OR2L13: variants seen among roughly 807,000 people sequenced by gnomAD.
OR2L13 encodes the protein olfactory receptor family 2 subfamily L member 13.
In OR2L13, 14 loss-of-function variants were observed where a neutral mutation model predicts 15.3. That is an observed-to-expected ratio of 0.91 (90% CI 0.60 to 1.43). OR2L13 has a LOEUF of 1.43. OR2L13 is among the 40% of genes most tolerant of loss of function. The pLI, the probability that OR2L13 is intolerant of heterozygous loss-of-function variation, is 0.00. For missense variants in OR2L13, 367 were observed against 387.9 expected (o/e 0.95, Z 0.45); for synonymous variants, 152 against 142.9 (o/e 1.06, Z -0.45).
chr1:247,991,298 G>C, the OR2L13 span: 4 of 755,626 alleles, frequency 5.3e-6, 1 homozygote, highest in East Asian at 1.2e-4. Flanking sequence ...TGCCCAGTAT[G>C]TCAAACGGAA....
upstream of OR2L13, among the ~76,000 whole-genome samples, chr1:248,094,880 A>G (rs1466872799): frequency 6.6e-6 from 1 of 152,182 alleles, no homozygotes; most frequent in Non-Finnish European, 1.5e-5. Context: ...AACTTACATG[A>G]TGACAGAATT....
At chr1:247,955,461 C>G in the OR2L13 span, among the ~76,000 whole-genome samples, 2 of 151,750 alleles carry the variant, frequency 1.3e-5, no homozygotes, top group African/African-American at 4.8e-5. Flanking sequence ...TGGGTATATA[C>G]CCAGTAATGC....
At chr1:247,976,199 T>G in the OR2L13 span, among the ~76,000 whole-genome samples, 5 of 152,148 alleles carry the variant, frequency 3.3e-5, 1 homozygote, top group Admixed American at 1.3e-4. Flanking sequence ...TCTATAGGAG[T>G]TACAGTCTAC....
the OR2L13 span, among the ~76,000 whole-genome samples, chr1:248,081,299 C>T: frequency 1.3e-5 from 2 of 152,124 alleles, no homozygotes; most frequent in African/African-American, 4.8e-5. Context: ...TGAAATACCA[C>T]TTCTTTGAAA....
the OR2L13 span, among the ~76,000 whole-genome samples, chr1:247,967,843 T>TTCCTCCTTCTCCTCC: frequency 1.0e-4 from 15 of 150,690 alleles, no homozygotes; most frequent in East Asian, 7.8e-4. Context: ...TCTCCTCCTC[T>TTCCTCCTTCTCCTCC]TCCTCCTTCT....
At chr1:248,042,850 T>C in the OR2L13 span, among the ~76,000 whole-genome samples, 3 of 152,182 alleles carry the variant, frequency 2.0e-5, no homozygotes, top group Non-Finnish European at 4.4e-5. Flanking sequence ...AATCAAAATA[T>C]AATTTGAAAT....
chr1:248,097,016 C>A (rs535079941), upstream of OR2L13, among the ~76,000 whole-genome samples: 65 of 152,262 alleles, frequency 4.3e-4, 1 homozygote, highest in African/African-American at 1.5e-3. Context: ...ACCTATCAAT[C>A]CCCTAAACCA....
the OR2L13 span, among the ~76,000 whole-genome samples, chr1:248,015,437 A>G: frequency 2.0e-5 from 3 of 152,112 alleles, no homozygotes; most frequent in Non-Finnish European, 4.4e-5. Flanking sequence ...AATTCTTACT[A>G]TAGACATGCA....
At chr1:248,100,456 A>T (rs1664835599) in exon 3 of OR2L13, 1 of 427,332 alleles carries the variant, frequency 2.3e-6, no homozygotes, top group Non-Finnish European at 4.3e-6. Context: ...TTTAAATAAT[A>T]TATTTAATTC....
chr1:248,099,902 T>C (rs1176406748), exon 3 of OR2L13: 1 of 1,614,152 alleles, frequency 6.2e-7, no homozygotes, highest in Non-Finnish European at 8.5e-7. Context: ...ATTGACCATT[T>C]CTTCTGCGAT....
the OR2L13 span, among the ~76,000 whole-genome samples, chr1:248,032,407 C>A: frequency 6.6e-6 from 1 of 151,942 alleles, no homozygotes; most frequent in African/African-American, 2.4e-5. Flanking sequence ...AGGTCTGTGG[C>A]ACTAAGTATA....
chr1:247,981,897 G>C, the OR2L13 span, among the ~76,000 whole-genome samples: 2 of 151,244 alleles, frequency 1.3e-5, no homozygotes, highest in Admixed American at 1.3e-4. Flanking sequence ...CTCACAGCAA[G>C]CTCCGCCTCC....
At chr1:247,943,278 G>A in the OR2L13 span, among the ~76,000 whole-genome samples, 5 of 152,238 alleles carry the variant, frequency 3.3e-5, no homozygotes, top group African/African-American at 9.6e-5. Flanking sequence ...CTCCAAAAGA[G>A]GAGAGTGAGG....
the OR2L13 span, among the ~76,000 whole-genome samples, chr1:248,085,436 T>TAAAAA: frequency 1.2e-5 from 1 of 84,552 alleles, no homozygotes; most frequent in Non-Finnish European, 2.3e-5. Flanking sequence ...TAAAATAAAA[T>TAAAAA]AATAAAATAA....
the OR2L13 span, chr1:247,990,154 C>A: frequency 1.9e-6 from 1 of 518,398 alleles, no homozygotes. Flanking sequence ...GTGTAAACCC[C>A]AATTTCAGGC....
chr1:248,022,077 A>G, the OR2L13 span: 6 of 1,613,870 alleles, frequency 3.7e-6, no homozygotes, highest in South Asian at 5.5e-5. Context: ...AAACCTATCC[A>G]TGATTCTTCT....
chr1:247,950,284 T>G, the OR2L13 span, among the ~76,000 whole-genome samples: 28 of 152,282 alleles, frequency 1.8e-4, no homozygotes, highest in African/African-American at 4.3e-4. Flanking sequence ...TAGGGGGACT[T>G]ATTATTACTG....
chr1:248,031,316 G>A, the OR2L13 span, among the ~76,000 whole-genome samples: 1 of 152,296 alleles, frequency 6.6e-6, no homozygotes, highest in South Asian at 2.1e-4. Context: ...CTACATTGGT[G>A]TTCATGAGAT....
At chr1:248,097,645 AATGTCTCTCTTCAAAACAACTCCAGG>A (rs1281772056) in intron 1 of OR2L13, among the ~76,000 whole-genome samples, 1 of 152,194 alleles carries the variant, frequency 6.6e-6, no homozygotes, top group Non-Finnish European at 1.5e-5. Context: ...AAAGAATCAA[AATGTCTCTCTTCAAAACAACTCCAGG>A]ATGGAACACA....
Sources: gnomAD v4.1 joint callset for allele counts (sites outside exome capture counted in the v4.1 genomes callset) on GRCh38, gnomAD v4.1.1 for gene constraint, MANE v1.5 for transcripts, NCBI Gene and HGNC (gene_info 2026-07-23, HGNC 2026-07-21) for gene names.